The following DCPS variants were observed in gnomAD, a reference collection of about 807,000 sequenced individuals.
DCPS encodes decapping enzyme, scavenger.
Under a neutral mutation model 34.7 loss-of-function variants are expected in DCPS, and 27 were observed. The ratio of observed to expected loss-of-function variants is 0.78; its 90% confidence interval spans 0.57 to 1.07. DCPS has a LOEUF of 1.07. Ranked by LOEUF, DCPS falls within the 50% of genes least tolerant of loss-of-function variation. DCPS has a pLI of 0.00. For missense variants in DCPS, 464 were observed against 436.9 expected, an observed-to-expected ratio of 1.06 and a Z score of -0.55; for synonymous variants, 185 against 185.7, an observed-to-expected ratio of 1.00 and a Z score of 0.03.
chr11:126,326,187 C>T (rs1481359989), intron 2 of DCPS, among the ~76,000 whole-genome samples: 1 of 152,204 alleles, frequency 6.6e-6, no homozygotes, highest in Non-Finnish European at 1.5e-5. Context: ...TTGGTCAGTT[C>T]TCTGGCTACC....
intron 2 of DCPS, among the ~76,000 whole-genome samples, chr11:126,330,635 C>T (rs1286656470): frequency 7.0e-6 from 1 of 141,918 alleles, no homozygotes; most frequent in Non-Finnish European, 1.5e-5. Context: ...GTGCCTGGAA[C>T]CACTGCGCTC....
rs954839489 is a variant in DCPS, at chr11:126,342,832, C to A, written c.637-475C>A. 6.6e-6 allele frequency among the ~76,000 whole-genome samples: 1 copy of A among 152,102 alleles called. No individual in the cohort carries two copies. The highest frequency in any genetic ancestry group is 2.1e-4 in the South Asian group (1 of 4,822). Reference sequence around the variant, plus strand: ...CGGTGGCTCACGCCTGTAATCCCAGCACTTTGGGAGGCCGAGGCAGGCGGA... The same window carrying A: ...CGGTGGCTCACGCCTGTAATCCCAGAACTTTGGGAGGCCGAGGCAGGCGGA... On this transcript the variant is annotated intron_variant, in intron 4 of 5. Transcript: ENST00000263579. This position sits in a 1 kb window ranked among gnomAD's most constrained non-coding sequence, Gnocchi z 4.4.
chr11:126,324,382 G>T (rs947692735), intron 2 of DCPS, among the ~76,000 whole-genome samples: 2 of 151,828 alleles, frequency 1.3e-5, no homozygotes, highest in Non-Finnish European at 2.9e-5. Context: ...TAATAATAAT[G>T]CCACACTAAA....
At position 126,333,631 on chromosome 11, in the gene DCPS, G is replaced by C. The variant is rs1951808603; in HGVS notation, c.522+2081G>C. ...AGAGCTGGAATCATCCGATGCTTTG[G>C]GGGAGCTGCAAGGAGTTTGGTGTGA... On this transcript the variant is annotated intron_variant, in intron 3 of 5. Coordinates refer to ENST00000263579, the MANE Select transcript of DCPS (RefSeq NM_014026.6). This position sits in a 1 kb window ranked among gnomAD's most constrained non-coding sequence, Gnocchi z 5.7. 6.6e-6 allele frequency among the ~76,000 whole-genome samples: 1 copy of C among 152,184 alleles called. No homozygotes were observed. The highest frequency in any genetic ancestry group is 6.5e-5 in the Admixed American group (1 of 15,280).
intron 1 of DCPS, among the ~76,000 whole-genome samples, chr11:126,305,102 T>TTTTA (rs902839481): frequency 2.0e-4 from 30 of 152,198 alleles, no homozygotes; most frequent in Admixed American, 9.8e-4. Context: ...GTTTTTAAAT[T>TTTTA]TTTATTTATT....
In DCPS at chr11:126,323,741, G is replaced by A. The variant is rs1410201328; in HGVS notation, c.377-7664G>A. 6.6e-6 allele frequency among the ~76,000 whole-genome samples: 1 copy of A among 152,094 alleles called. No individual in the cohort carries two copies. The highest frequency in any genetic ancestry group is 2.4e-5 in the African/African-American group (1 of 41,408). On this transcript the variant is annotated intron_variant, in intron 2 of 5. Transcript: ENST00000263579. This position sits in a 1 kb window ranked among gnomAD's most constrained non-coding sequence, Gnocchi z 4.4. ...TTTTGTAGAGATAGGGTTTTGCCAT[G>A]TTGCCCAGGCTGGTCTCGAACTCCT...
At chr11:126,310,170 G>A (rs1004936864) in intron 2 of DCPS, among the ~76,000 whole-genome samples, 6 of 152,146 alleles carry the variant, frequency 3.9e-5, no homozygotes, top group East Asian at 1.9e-4. Flanking sequence ...CCATATGCAC[G>A]TAAAACTTTG....
intron 1 of DCPS, among the ~76,000 whole-genome samples, chr11:126,306,228 CCAGA>C (rs1951563878): frequency 6.6e-6 from 1 of 152,018 alleles, no homozygotes; most frequent in African/African-American, 2.4e-5. Flanking sequence ...CAAAAATTAG[CCAGA>C]TGTGGTGGCA....
intron 4 of DCPS, among the ~76,000 whole-genome samples, chr11:126,340,380 G>C (rs1951866973): frequency 6.6e-6 from 1 of 151,612 alleles, no homozygotes. Flanking sequence ...GGAGTGTAGT[G>C]GTGTGATCTC....
rs1220195999 is a variant in DCPS at position 126,344,224 on chromosome 11, T to C, written c.747+807T>C. Among the ~76,000 whole-genome samples the C allele has an allele frequency of 6.6e-6, 1 of 152,200 alleles. No individual in the cohort carries two copies. The highest frequency in any genetic ancestry group is 2.4e-5 in the African/African-American group (1 of 41,446). On this transcript the variant is annotated intron_variant, in intron 5 of 5. Transcript: ENST00000263579. This position sits in a 1 kb window ranked among gnomAD's most constrained non-coding sequence, Gnocchi z 8.1. ...ATGCTTCGAGGTGTTAATGCAGACC[T>C]GGAGGCAAGGCTCTGCCCATACCCA...
intron 1 of DCPS, among the ~76,000 whole-genome samples, chr11:126,304,571 C>T (rs1019820668): frequency 2.0e-5 from 3 of 152,094 alleles, no homozygotes; most frequent in Non-Finnish European, 4.4e-5. Context: ...TTCCCCAAGC[C>T]ATTCATCATC....
At chr11:126,343,490 T>C (rs1235294210) in intron 5 of DCPS, 73 bp downstream of exon 5, 6 of 1,237,124 alleles carry the variant, frequency 4.8e-6, no homozygotes, top group Admixed American at 2.0e-5. Flanking sequence ...CCTGGGCCCC[T>C]TTCCTCACCT....
In DCPS at chr11:126,313,210, C is replaced by T. The variant is rs566368835; in HGVS notation, c.376+6466C>T. On this transcript the variant is annotated intron_variant, in intron 2 of 5. Transcript: ENST00000263579. This position sits in a 1 kb window ranked among gnomAD's most constrained non-coding sequence, Gnocchi z 4.9. Reference sequence around the variant, plus strand: ...CAGGCATTTGTGAGTGAGGCCAGGGCGGGGAGCAGAGGGGTGGGATCCTGG... The same window carrying T: ...CAGGCATTTGTGAGTGAGGCCAGGGTGGGGAGCAGAGGGGTGGGATCCTGG... Among the ~76,000 whole-genome samples, 1 of 151,808 alleles carries T rather than the reference C, an allele frequency of 6.6e-6. No homozygotes were observed. Among genetic ancestry groups the T allele is most frequent in the African/African-American group, 2.4e-5 (1 of 41,450 alleles).
In DCPS at chr11:126,320,004, AT is replaced by A. The variant is rs11371505; in HGVS notation, c.377-11387del. ...AACATCTCAGAGTATGTCCTTTCAG[AT>A]TTTTTTTTTTTTTGAGATGGAATCT... On this transcript the variant is annotated intron_variant, in intron 2 of 5. Coordinates refer to ENST00000263579, the MANE Select transcript of DCPS (RefSeq NM_014026.6). This position sits in a 1 kb window ranked among gnomAD's most constrained non-coding sequence, Gnocchi z 4.7. Among the ~76,000 whole-genome samples the A allele has an allele frequency of 5.5e-5, 8 of 144,580 alleles. No individual in the cohort carries two copies. Among genetic ancestry groups the A allele is most frequent in the Non-Finnish European group, 7.5e-5 (5 of 66,506 alleles). The allele number at this position is 144,580 out of a possible 152,430, so 94.9% of individuals were successfully genotyped here.
rs188759114 is a variant in DCPS at position 126,319,453 on chromosome 11, C to T, written c.377-11952C>T. Among the ~76,000 whole-genome samples, 30 of 152,292 alleles carry T rather than the reference C, an allele frequency of 2.0e-4. No homozygotes were observed. The East Asian group carries it at 4.8e-3, about 24-fold the overall frequency. On this transcript the variant is annotated intron_variant, in intron 2 of 5. Transcript: ENST00000263579. The surrounding 1 kb of genome is among the most constrained non-coding windows in gnomAD (Gnocchi z 4.5). ...CCTGCTGTCCCGCAGCATTTGGCCACAGTATCCCCTGGTAAGGCTGTCCTC... is the reference window on the plus strand; with the variant it reads ...CCTGCTGTCCCGCAGCATTTGGCCATAGTATCCCCTGGTAAGGCTGTCCTC...
At chr11:126,316,321 C>T (rs967906337) in intron 2 of DCPS, among the ~76,000 whole-genome samples, 12 of 151,410 alleles carry the variant, frequency 7.9e-5, no homozygotes, top group African/African-American at 1.2e-4. Flanking sequence ...AGATTTTTTC[C>T]GTGATTTCTT....
At chr11:126,316,811 C>T (rs867607798) in intron 2 of DCPS, among the ~76,000 whole-genome samples, 4 of 151,354 alleles carry the variant, frequency 2.6e-5, no homozygotes, top group Non-Finnish European at 5.9e-5. Flanking sequence ...CCCGCCACCG[C>T]GCCCAGCTAA....
rs1256241413 is a variant in DCPS, at chr11:126,335,331, C to T, written c.523-2955C>T. On this transcript the variant is annotated intron_variant, in intron 3 of 5. Transcript: ENST00000263579. The surrounding 1 kb of genome is among the most constrained non-coding windows in gnomAD (Gnocchi z 4.8). ...AGTTGCAGAAAGCTGATGGCATCACCCTCTGCCCAGTTTATCAGCAGGGCT... is the reference window on the plus strand; with the variant it reads ...AGTTGCAGAAAGCTGATGGCATCACTCTCTGCCCAGTTTATCAGCAGGGCT... Among the ~76,000 whole-genome samples, 1 of 152,260 alleles carries T rather than the reference C, an allele frequency of 6.6e-6. No homozygotes were observed. Among genetic ancestry groups the T allele is most frequent in the Non-Finnish European group, 1.5e-5 (1 of 68,052 alleles).
rs914192086 is a variant in DCPS, at chr11:126,321,282, G to C, written c.377-10123G>C. 9.9e-5 allele frequency among the ~76,000 whole-genome samples: 15 copies of C among 151,358 alleles called. 1 individual carries two copies. The South Asian group carries it at 2.9e-3, about 29-fold the overall frequency. On this transcript the variant is annotated intron_variant, in intron 2 of 5. Coordinates refer to ENST00000263579, the MANE Select transcript of DCPS (RefSeq NM_014026.6). ...AAAAAAAAAAAAAAAATCACACGAA[G>C]GGTGACACACCAGGTCTGGAAGAGA...
Sources: gnomAD v4.1 joint callset for allele counts (sites outside exome capture counted in the v4.1 genomes callset) on GRCh38, gnomAD v4.1.1 for gene constraint, Gnocchi (gnomAD v3.1) non-coding constraint, MANE v1.5 for transcripts, NCBI Gene and HGNC (gene_info 2026-07-23, HGNC 2026-07-21) for gene names.